Variants in GSE1 observed in about 807,000 individuals in gnomAD.
The protein encoded by GSE1 is genetic suppressor element 1.
In GSE1, 32 loss-of-function variants were observed where a neutral mutation model predicts 112.6. The observed-to-expected ratio is 0.28, with a 90% CI of 0.21 to 0.38. The LOEUF (loss-of-function observed/expected upper bound fraction) is 0.38. Ranked by LOEUF, GSE1 falls within the 10% of genes least tolerant of loss-of-function variation. The probability of loss-of-function intolerance (pLI) is 1.00; values close to 1 mark genes in which losing one functional copy is unlikely to be tolerated. For synonymous variants in GSE1, 1,115 were observed against 735.6 expected (o/e 1.52, Z -8.35); for missense variants, 2,348 against 1,699.2 (o/e 1.38, Z -6.71).
chr16:85,662,929 C>T lies in GSE1; in HGVS notation c.2261-52C>T, dbSNP rs1489076938. The T allele has an allele frequency of 2.3e-6, 3 of 1,285,598 alleles. No homozygotes were observed. The African/African-American group carries it at 4.4e-5, about 19-fold the overall frequency. 79.6% of individuals were successfully genotyped at this position (1,285,598 alleles called of 1,614,324 possible). On this transcript the variant is annotated intron_variant, in intron 9 of 15. Transcript: ENST00000253458. ...ACATGAGGCCCTGCGGGCATGTCCA[C>T]TGGACAGATGAAGGCTCTTTGTCTG...
chr16:85,483,887 G>C (rs2050756983), intron 2 of GSE1, among the ~76,000 whole-genome samples: 1 of 152,214 alleles, frequency 6.6e-6, no homozygotes, highest in Non-Finnish European at 1.5e-5. Flanking sequence ...CAGGCCTCTG[G>C]GCCCTGCCCG....
chr16:85,625,391 C>G (rs899709103), intron 1 of GSE1, among the ~76,000 whole-genome samples: 1 of 152,196 alleles, frequency 6.6e-6, no homozygotes, highest in African/African-American at 2.4e-5. Context: ...CTGCTGTCCG[C>G]GGGTCCCCAG....
chr16:85,542,416 G>A (rs1369401257), intron 2 of GSE1, among the ~76,000 whole-genome samples: 1 of 152,258 alleles, frequency 6.6e-6, no homozygotes, highest in Non-Finnish European at 1.5e-5. Flanking sequence ...CACTGCACCT[G>A]CCACAGGGGC....
At chr16:85,468,823 G>A (rs1234108652) in intron 2 of GSE1, among the ~76,000 whole-genome samples, 2 of 151,372 alleles carry the variant, frequency 1.3e-5, no homozygotes, top group Admixed American at 6.6e-5. Flanking sequence ...TGATGGCATT[G>A]ACCATCTACA....
chr16:85,561,751 C>T (rs1434123610), intron 1 of GSE1, among the ~76,000 whole-genome samples: 1 of 152,196 alleles, frequency 6.6e-6, no homozygotes, highest in Non-Finnish European at 1.5e-5. Flanking sequence ...TCTTGACCAT[C>T]CTGGGAGGGG....
chr16:85,429,814 T>A (rs1183966974), intron 2 of GSE1, among the ~76,000 whole-genome samples: 1 of 152,170 alleles, frequency 6.6e-6, no homozygotes, highest in Non-Finnish European at 1.5e-5. Flanking sequence ...CTCCTTCCAT[T>A]CCTCGATTTT....
chr16:85,301,600 T>C (rs1010179175), intron 1 of GSE1, among the ~76,000 whole-genome samples: 8 of 152,168 alleles, frequency 5.3e-5, no homozygotes, highest in Admixed American at 5.2e-4. Context: ...CCCTGCAGGG[T>C]TGATTTTTAA....
chr16:85,656,337 C>A lies in GSE1; in HGVS notation c.990-6C>A, dbSNP rs763628937. The A allele has an allele frequency of 9.7e-5, 157 of 1,610,928 alleles. No homozygotes were observed. The highest frequency in any genetic ancestry group is 1.1e-4 in the Non-Finnish European group (129 of 1,179,178). ...CAGAGCCCCCAACTCTTTCCATGTG[C>A]TGCAGGCTGCAGATGGACGAGGAGC... On this transcript the variant is annotated splice_region_variant and splice_polypyrimidine_tract_variant and intron_variant, in intron 6 of 15. Coordinates refer to ENST00000253458, the MANE Select transcript of GSE1 (RefSeq NM_014615.5).
At chr16:85,570,560 C>T (rs2045941494) in intron 1 of GSE1, among the ~76,000 whole-genome samples, 1 of 152,230 alleles carries the variant, frequency 6.6e-6, no homozygotes, top group Admixed American at 6.5e-5. Context: ...GCCTTTGACT[C>T]AGGGCCCTGT....
upstream of GSE1, among the ~76,000 whole-genome samples, chr16:85,611,169 C>A (rs1051607579): frequency 6.6e-6 from 1 of 152,216 alleles, no homozygotes; most frequent in East Asian, 1.9e-4. Context: ...AGCTTGTAAT[C>A]CAGGTGGGAA....
At chr16:85,544,918 C>T (rs1456033481) in intron 2 of GSE1, among the ~76,000 whole-genome samples, 8 of 152,216 alleles carry the variant, frequency 5.3e-5, no homozygotes, top group African/African-American at 1.4e-4. Flanking sequence ...GCCGTGCCCG[C>T]GCTGTCACGG....
At chr16:85,298,208 T>C (rs1199939844) in intron 1 of GSE1, among the ~76,000 whole-genome samples, 1 of 152,162 alleles carries the variant, frequency 6.6e-6, no homozygotes, top group African/African-American at 2.4e-5. Context: ...GGTGATGCAA[T>C]GCTGCTGTTG....
chr16:85,349,057 G>A (rs906750237), intron 1 of GSE1, among the ~76,000 whole-genome samples: 2 of 152,294 alleles, frequency 1.3e-5, no homozygotes, highest in South Asian at 2.1e-4. Flanking sequence ...GCGATCTGCC[G>A]TGTGGCGTGT....
intron 2 of GSE1, among the ~76,000 whole-genome samples, chr16:85,478,841 TTC>T (rs1555518493): frequency 0.22 from 2,562 of 11,494 alleles, 87 homozygotes; most frequent in East Asian, 0.31. Flanking sequence ...CTCATTTATT[TTC>T]TTTCTTTCTT....
chr16:85,499,020 G>A (rs1235678362), intron 2 of GSE1, among the ~76,000 whole-genome samples: 4 of 152,244 alleles, frequency 2.6e-5, no homozygotes, highest in African/African-American at 9.6e-5. Context: ...CATGGGACCT[G>A]CATTTGGTGG....
In GSE1 at chr16:85,592,812, G is replaced by A. The variant is rs117794303; in HGVS notation, c.37+36449G>A. 1,216 of 152,590 alleles carry A rather than the reference G, an allele frequency of 8.0e-3. 4 individuals carry two copies. The highest frequency in any genetic ancestry group is 0.024 in the Middle Eastern group (7 of 296). The allele number at this position is 152,590 out of a possible 1,614,324, so 9.5% of individuals were successfully genotyped here. A position where few individuals can be genotyped will look rare whatever the true frequency, so the allele number is the denominator to read the frequency against. ...TGCCTCAGTCAATAGGGATGATGACGGCACCCCTTGCAGACCTTTTGGAAG... is the reference window on the plus strand; with the variant it reads ...TGCCTCAGTCAATAGGGATGATGACAGCACCCCTTGCAGACCTTTTGGAAG... On this transcript the variant is annotated intron_variant, in intron 1 of 2. Coordinates refer to the GSE1 transcript ENST00000635906.
intron 1 of GSE1, among the ~76,000 whole-genome samples, chr16:85,604,764 A>ATATATATATATATATATATAT (rs1390647707): frequency 1.9e-4 from 1 of 5,134 alleles, no homozygotes; most frequent in African/African-American, 9.4e-4. Context: ...AAAAAAAAAA[A>ATATATATATATATATATATAT]AAAAAAAAAA....
chr16:85,527,570 C>A (rs761014135), intron 2 of GSE1, among the ~76,000 whole-genome samples: 1 of 152,268 alleles, frequency 6.6e-6, no homozygotes, highest in Non-Finnish European at 1.5e-5. Context: ...TACGCACCCG[C>A]GCCACACTGC....
At chr16:85,629,085 A>G (rs1415532604) in intron 1 of GSE1, among the ~76,000 whole-genome samples, 2 of 152,140 alleles carry the variant, frequency 1.3e-5, no homozygotes, top group Admixed American at 1.3e-4. Context: ...CTCTCTCACC[A>G]CTGGATGTGC....
Sources: allele counts gnomAD v4.1 joint callset (sites outside exome capture counted in the v4.1 genomes callset), GRCh38; gene constraint gnomAD v4.1.1; transcripts MANE v1.5; gene names NCBI Gene and HGNC (gene_info 2026-07-23, HGNC 2026-07-21).